DGKB: variants seen among roughly 807,000 people sequenced by gnomAD.
The protein encoded by DGKB is 90 kDa diacylglycerol kinase.
A neutral mutation model predicts 114.3 loss-of-function variants in DGKB; 67 were observed. The observed-to-expected ratio is 0.59, with a 90% confidence interval of 0.48 to 0.72. The LOEUF is 0.72. Ranked by LOEUF, DGKB falls within the 30% of genes least tolerant of loss-of-function variation. The probability of loss-of-function intolerance (pLI) is 0.00; values close to 1 mark genes in which losing one functional copy is unlikely to be tolerated. For missense variants in DGKB, 907 were observed against 975.2 expected (o/e 0.93, Z 0.93); for synonymous variants, 398 against 323.1 (o/e 1.23, Z -2.49).
chr7:14,919,828 T>A (rs1784428939), intron 1 of DGKB, among the ~76,000 whole-genome samples: 1 of 152,110 alleles, frequency 6.6e-6, no homozygotes, highest in Admixed American at 6.6e-5. Context: ...GTGAGCTTGT[T>A]GTTTAACCTC....
intron 1 of DGKB, among the ~76,000 whole-genome samples, chr7:14,938,616 C>CT (rs71004343): frequency 3.0e-4 from 44 of 147,502 alleles, no homozygotes; most frequent in East Asian, 2.4e-3. Context: ...TTCTTTCTTT[C>CT]TTTTTTTTTT....
At chr7:14,288,317 T>G (rs765188105) in intron 23 of DGKB, among the ~76,000 whole-genome samples, 6 of 146,342 alleles carry the variant, frequency 4.1e-5, no homozygotes, top group Non-Finnish European at 6.0e-5. Flanking sequence ...CTGATATAGC[T>G]CTATACTGCT....
At chr7:14,810,911 C>A (rs1303778870) in intron 2 of DGKB, among the ~76,000 whole-genome samples, 1 of 152,132 alleles carries the variant, frequency 6.6e-6, no homozygotes, top group Non-Finnish European at 1.5e-5. Context: ...GCCCGGCCTA[C>A]TTACAAAGTC....
Position 14,305,389 on chromosome 7 carries a change from T to C in DGKB, c.2122+33126A>G, listed in dbSNP as rs369735621. ...AGTGGGAACATGTGATATACGTCTTTCCGTGCCTTCTTGCTTCATTTTTGA... is the reference window on the plus strand; with the variant it reads ...AGTGGGAACATGTGATATACGTCTTCCCGTGCCTTCTTGCTTCATTTTTGA... On this transcript the variant is annotated intron_variant, in intron 23 of 25. Coordinates refer to ENST00000402815, the MANE Select transcript of DGKB (RefSeq NM_001350709.2). Among the ~76,000 whole-genome samples the C allele has an allele frequency of 4.6e-5, 7 of 152,292 alleles. No homozygotes were observed. The East Asian group carries it at 9.7e-4, about 21-fold the overall frequency.
chr7:14,298,530 C>A (rs1016338921), intron 23 of DGKB, among the ~76,000 whole-genome samples: 3 of 152,132 alleles, frequency 2.0e-5, no homozygotes, highest in Admixed American at 6.6e-5. Context: ...TGGACCCCTT[C>A]TTTACACATT....
chr7:14,892,507 A>G (rs1268326878), intron 1 of DGKB, among the ~76,000 whole-genome samples: 1 of 151,276 alleles, frequency 6.6e-6, no homozygotes, highest in African/African-American at 2.4e-5. Context: ...ATATATTTAC[A>G]TATAAATAAA....
At chr7:14,417,321 C>T (rs1312531784) in intron 21 of DGKB, among the ~76,000 whole-genome samples, 1 of 151,856 alleles carries the variant, frequency 6.6e-6, no homozygotes, top group East Asian at 1.9e-4. Context: ...AAAATAAAAA[C>T]TGTGAAATAA....
At chr7:14,360,458 A>G (rs1286243920) in intron 21 of DGKB, among the ~76,000 whole-genome samples, 2 of 151,652 alleles carry the variant, frequency 1.3e-5, no homozygotes, top group Non-Finnish European at 2.9e-5. Flanking sequence ...GTATATATAT[A>G]TATATATAAA....
chr7:14,907,444 T>C (rs935650951), upstream of DGKB, among the ~76,000 whole-genome samples: 2 of 152,192 alleles, frequency 1.3e-5, no homozygotes, highest in African/African-American at 2.4e-5. Flanking sequence ...GAGGATGCCA[T>C]AGCACCTACC....
intron 13 of DGKB, among the ~76,000 whole-genome samples, chr7:14,657,992 C>A (rs10950533): frequency 0.78 from 118,168 of 151,796 alleles, 46,247 homozygotes; most frequent in African/African-American, 0.85. Context: ...TGACTTAGTT[C>A]AACACATGCT....
Position 14,686,345 on chromosome 7 carries a change from T to C in DGKB, c.712-983A>G, listed in dbSNP as rs543518500. On this transcript the variant is annotated intron_variant, in intron 9 of 25. Transcript: ENST00000402815. ...CAAGATATTAAATGAAATTATTATA[T>C]ATTATTACTTTTGCTACCATCATTT... Among the ~76,000 whole-genome samples the C allele has an allele frequency of 5.9e-5, 9 of 152,282 alleles. No individual in the cohort carries two copies. In the South Asian group the frequency reaches 1.7e-3, roughly 28 times the overall value.
intron 19 of DGKB, among the ~76,000 whole-genome samples, chr7:14,576,848 G>C (rs1439443290): frequency 6.6e-6 from 1 of 152,068 alleles, no homozygotes; most frequent in Admixed American, 6.6e-5. Flanking sequence ...GAAAAAGGCT[G>C]GTTTAAATCT....
In DGKB at chr7:14,843,625, C is replaced by T. The variant is rs866363949; in HGVS notation, c.-187-2175G>A. 3.9e-5 allele frequency among the ~76,000 whole-genome samples: 6 copies of T among 152,264 alleles called. No individual in the cohort carries two copies. The South Asian group carries it at 8.3e-4, about 21-fold the overall frequency. On this transcript the variant is annotated intron_variant, in intron 1 of 25. Coordinates refer to ENST00000402815, the MANE Select transcript of DGKB (RefSeq NM_001350709.2). ...CTGGGATTACAGGCGTGAGCCACCG[C>T]GCCCAGCCAATAACTTTTTTTAAAG...
At chr7:14,666,471 C>G (rs1255991046) in intron 13 of DGKB, among the ~76,000 whole-genome samples, 1 of 151,916 alleles carries the variant, frequency 6.6e-6, no homozygotes, top group African/African-American at 2.4e-5. Flanking sequence ...TGCAATGTCA[C>G]TTTGTTTTGG....
chr7:14,321,562 T>A (rs1219919449), intron 23 of DGKB, among the ~76,000 whole-genome samples: 1 of 146,736 alleles, frequency 6.8e-6, no homozygotes, highest in Non-Finnish European at 1.5e-5. Context: ...TTTCACCCCA[T>A]GTATTCAGCC....
At chr7:14,737,812 C>G (rs565744818) in intron 4 of DGKB, among the ~76,000 whole-genome samples, 1 of 151,160 alleles carries the variant, frequency 6.6e-6, no homozygotes, top group South Asian at 2.1e-4. Context: ...ATTGTCAATT[C>G]TAGCCCGGGA....
Position 14,263,413 on chromosome 7 carries a change from A to G in DGKB, c.2122+75102T>C, listed in dbSNP as rs140961479. Among the ~76,000 whole-genome samples the G allele has an allele frequency of 1.2e-4, 19 of 152,286 alleles. No homozygotes were observed. The East Asian group carries it at 3.7e-3, about 29-fold the overall frequency. On this transcript the variant is annotated intron_variant, in intron 23 of 25. Coordinates refer to ENST00000402815, the MANE Select transcript of DGKB (RefSeq NM_001350709.2). ...TTATCTCCCTAAGCTCATCTATTGC[A>G]ATTTTGCCCCAACCCACAACTCATT...
At chr7:14,527,703 C>T (rs1790865736) in intron 20 of DGKB, among the ~76,000 whole-genome samples, 1 of 151,852 alleles carries the variant, frequency 6.6e-6, no homozygotes, top group Admixed American at 6.6e-5. Context: ...TGAATACTTC[C>T]AATTTTTTAA....
chr7:14,578,544 G>C (rs1479878344), intron 19 of DGKB, among the ~76,000 whole-genome samples: 5 of 152,130 alleles, frequency 3.3e-5, no homozygotes, highest in Non-Finnish European at 5.9e-5. Context: ...TGGGCATCTT[G>C]ATACCTTGCT....
Sources: gnomAD v4.1 joint callset for allele counts (sites outside exome capture counted in the v4.1 genomes callset) on GRCh38, gnomAD v4.1.1 for gene constraint, MANE v1.5 for transcripts, NCBI Gene and HGNC (gene_info 2026-07-23, HGNC 2026-07-21) for gene names.